Variants in GRHL2 observed in about 807,000 individuals in gnomAD.
GRHL2 encodes grainyhead like transcription factor 2, also known as grainyhead-like protein 2 homolog.
Under a neutral mutation model 83.8 loss-of-function variants are expected in GRHL2, and 21 were observed. The ratio of observed to expected loss-of-function variants is 0.25; its 90% CI spans 0.18 to 0.36. The LOEUF (loss-of-function observed/expected upper bound fraction) is 0.36. Among genes scored for constraint, GRHL2 ranks in the 10% least tolerant of loss-of-function variants. The pLI is 1.00. For synonymous variants in GRHL2, 280 were observed against 278.9 expected, an observed-to-expected ratio of 1.00 and a Z score of -0.04; for missense variants, 623 against 781.8, an observed-to-expected ratio of 0.80 and a Z score of 2.42.
At chr8:101,514,402 G>T (rs781229933) in intron 1 of GRHL2, among the ~76,000 whole-genome samples, 5 of 152,200 alleles carry the variant, frequency 3.3e-5, no homozygotes, top group Non-Finnish European at 7.3e-5. Context: ...CACCTGTGAG[G>T]GAATGGAGTA....
chr8:101,588,094 AC>A (rs869215838), intron 7 of GRHL2, among the ~76,000 whole-genome samples: 2 of 152,134 alleles, frequency 1.3e-5, no homozygotes, highest in East Asian at 3.9e-4. Context: ...TTTTGGAAAG[AC>A]ATGTGTTGAA....
downstream of GRHL2, among the ~76,000 whole-genome samples, chr8:101,674,389 C>T (rs1023713677): frequency 6.6e-6 from 1 of 152,134 alleles, no homozygotes; most frequent in East Asian, 1.9e-4. Flanking sequence ...ACCACTGATC[C>T]CACAGAAATA....
intron 14 of GRHL2, among the ~76,000 whole-genome samples, chr8:101,652,497 GGTGT>G (rs1353619843): frequency 5.6e-5 from 2 of 35,888 alleles, no homozygotes; most frequent in Non-Finnish European, 4.3e-5. Flanking sequence ...GTATGTGTGT[GGTGT>G]GTGTGTGTGG....
intron 9 of GRHL2, among the ~76,000 whole-genome samples, chr8:101,624,196 C>A (rs1813029469): frequency 6.6e-6 from 1 of 151,342 alleles, no homozygotes; most frequent in African/African-American, 2.4e-5. Flanking sequence ...CACAGTAGGA[C>A]AGTACACAGT....
At chr8:101,601,555 G>T (rs1475037388) in intron 8 of GRHL2, among the ~76,000 whole-genome samples, 2 of 152,180 alleles carry the variant, frequency 1.3e-5, no homozygotes, top group African/African-American at 4.8e-5. Flanking sequence ...ACATGTGAGT[G>T]TGCATGTGTA....
At chr8:101,514,531 G>C (rs1447438003) in intron 1 of GRHL2, among the ~76,000 whole-genome samples, 1 of 152,146 alleles carries the variant, frequency 6.6e-6, no homozygotes, top group Admixed American at 6.5e-5. Context: ...CCTTTATTTT[G>C]TGCCATCAGA....
intron 4 of GRHL2, among the ~76,000 whole-genome samples, chr8:101,561,595 C>G (rs1811609494): frequency 6.6e-6 from 1 of 152,160 alleles, no homozygotes; most frequent in Non-Finnish European, 1.5e-5. Context: ...ATTGTTAGTT[C>G]CTTGTTGTAT....
intron 1 of GRHL2, among the ~76,000 whole-genome samples, chr8:101,513,014 G>C (rs1251895280): frequency 6.6e-6 from 1 of 152,040 alleles, no homozygotes; most frequent in Non-Finnish European, 1.5e-5. Context: ...ATGAATTTTA[G>C]GGGTGTACAA....
intron 1 of GRHL2, among the ~76,000 whole-genome samples, chr8:101,513,551 T>A (rs893092285): frequency 1.5e-5 from 2 of 129,876 alleles, no homozygotes; most frequent in African/African-American, 5.8e-5. Context: ...CTGGAGTGCA[T>A]TGGCTCGATC....
At chr8:101,565,429 C>T (rs1811696764) in intron 4 of GRHL2, among the ~76,000 whole-genome samples, 1 of 152,122 alleles carries the variant, frequency 6.6e-6, no homozygotes, top group Admixed American at 6.6e-5. Context: ...ATCAAGATCT[C>T]AGTGATTTAA....
At chr8:101,610,917 G>A (rs987700226) in intron 8 of GRHL2, among the ~76,000 whole-genome samples, 1 of 150,800 alleles carries the variant, frequency 6.6e-6, no homozygotes, top group African/African-American at 2.5e-5. Context: ...AATGTTCTAA[G>A]GTACCATCTT....
At chr8:101,577,913 G>T (rs1811965834) in intron 7 of GRHL2, among the ~76,000 whole-genome samples, 1 of 152,192 alleles carries the variant, frequency 6.6e-6, no homozygotes, top group Non-Finnish European at 1.5e-5. Context: ...ATTTGGCAAA[G>T]GTCATGTGAC....
chr8:101,666,665 A>C lies in GRHL2; in HGVS notation c.1840A>C (p.Met614Leu). ...EDTFILNMES[M>L]VEGFKVTLME... The stretch of plus-strand genomic sequence containing the variant: ...CACCTTCATCCTCAACATGGAGAGC[A>C]TGGTGGAGGGCTTCAAGGTCACGCT... The change falls in exon 16 of 16, where the codon ATG (methionine) becomes CTG (leucine). Residue 614 changes from methionine to leucine, a missense_variant. Around this residue, in one of 8 missense-constraint regions of GRHL2, gnomAD observed 210 missense variants for 254.8 expected, o/e 0.82. Transcript: ENST00000646743. 1.2e-6 allele frequency: 2 copies of C among 1,613,528 alleles called. No homozygotes were observed. The highest frequency in any genetic ancestry group is 8.5e-7 in the Non-Finnish European group (1 of 1,179,474).
intron 1 of GRHL2, among the ~76,000 whole-genome samples, chr8:101,515,025 C>T (rs1810542060): frequency 6.8e-6 from 1 of 147,854 alleles, no homozygotes; most frequent in Non-Finnish European, 1.5e-5. Flanking sequence ...CCTTCATTTT[C>T]CTTCCTTCCT....
chr8:101,526,348 ACATCATG>A (rs1396002305), intron 1 of GRHL2, among the ~76,000 whole-genome samples: 2 of 152,168 alleles, frequency 1.3e-5, no homozygotes, highest in African/African-American at 4.8e-5. Context: ...TTATTCTATA[ACATCATG>A]CATTGGCATT....
At chr8:101,519,775 C>T (rs1317005889) in intron 1 of GRHL2, among the ~76,000 whole-genome samples, 1 of 152,116 alleles carries the variant, frequency 6.6e-6, no homozygotes, top group East Asian at 1.9e-4. Context: ...TGTATATTCA[C>T]ATAACATATG....
chr8:101,538,061 G>A (rs1018506515), intron 1 of GRHL2, among the ~76,000 whole-genome samples: 1 of 152,186 alleles, frequency 6.6e-6, no homozygotes, highest in Non-Finnish European at 1.5e-5. Context: ...GGTTTAGAAC[G>A]GGGTTTCCCA....
At chr8:101,665,889 T>C (rs965675431) in intron 15 of GRHL2, among the ~76,000 whole-genome samples, 10 of 152,214 alleles carry the variant, frequency 6.6e-5, no homozygotes, top group African/African-American at 2.4e-4. Flanking sequence ...TGGAAGTCTC[T>C]GGAAGCTGTT....
chr8:101,493,838 G>GGGCCC (rs1172705130), intron 1 of GRHL2, among the ~76,000 whole-genome samples: 2 of 151,942 alleles, frequency 1.3e-5, no homozygotes, highest in Non-Finnish European at 2.9e-5. Flanking sequence ...GCGGGTCACT[G>GGGCCC]GGCCCGGTCC....
Sources: allele counts gnomAD v4.1 joint callset (sites outside exome capture counted in the v4.1 genomes callset), GRCh38; gene constraint gnomAD v4.1.1; regional missense constraint gnomAD v4.1.1; transcripts MANE v1.5; gene names NCBI Gene and HGNC (gene_info 2026-07-23, HGNC 2026-07-21).